GRM8: variants seen among roughly 807,000 people sequenced by gnomAD.
The protein encoded by GRM8 is glutamate metabotropic receptor 8.
Under a neutral mutation model 87.2 loss-of-function variants are expected in GRM8, and 47 were observed. The observed-to-expected ratio is 0.54, with a 90% CI of 0.43 to 0.69. GRM8 has a LOEUF of 0.69. Among genes scored for constraint, GRM8 ranks in the 30% least tolerant of loss-of-function variants. The pLI is 0.00. For missense variants in GRM8, 1,019 were observed against 1,139.2 expected, an observed-to-expected ratio of 0.89 and a Z score of 1.52; for synonymous variants, 396 against 404.5, an observed-to-expected ratio of 0.98 and a Z score of 0.25.
chr7:126,815,486 C>T (rs1406849188), intron 6 of GRM8, among the ~76,000 whole-genome samples: 3 of 152,114 alleles, frequency 2.0e-5, no homozygotes, highest in Non-Finnish European at 4.4e-5. Context: ...ACACATCAGT[C>T]TTAACTCATC....
intron 7 of GRM8, among the ~76,000 whole-genome samples, chr7:126,680,515 A>T (rs1005250323): frequency 6.6e-6 from 1 of 152,230 alleles, no homozygotes; most frequent in Non-Finnish European, 1.5e-5. Flanking sequence ...TTTCTACATT[A>T]AATGTGTGAA....
At chr7:126,840,965 G>C (rs1358953897) in intron 6 of GRM8, among the ~76,000 whole-genome samples, 1 of 152,246 alleles carries the variant, frequency 6.6e-6, no homozygotes, top group East Asian at 1.9e-4. Flanking sequence ...AAGATTAAAG[G>C]CTCTGACAGA....
intron 9 of GRM8, among the ~76,000 whole-genome samples, chr7:126,459,459 T>C (rs1381716990): frequency 1.3e-5 from 2 of 151,490 alleles, no homozygotes; most frequent in Non-Finnish European, 3.0e-5. Flanking sequence ...CCTCTGACAC[T>C]TACATCAGCA....
intron 7 of GRM8, among the ~76,000 whole-genome samples, chr7:126,744,428 A>T (rs1815399172): frequency 6.6e-6 from 1 of 152,062 alleles, no homozygotes; most frequent in Non-Finnish European, 1.5e-5. Context: ...TCCTCAAATC[A>T]AGTCCAGGTT....
intron 9 of GRM8, among the ~76,000 whole-genome samples, chr7:126,520,401 C>T (rs1400394614): frequency 6.6e-6 from 1 of 152,018 alleles, no homozygotes; most frequent in Non-Finnish European, 1.5e-5. Flanking sequence ...TTTTGGATTG[C>T]TTTCTGATCC....
chr7:126,630,768 A>G (rs1266713103), intron 7 of GRM8, among the ~76,000 whole-genome samples: 1 of 152,224 alleles, frequency 6.6e-6, no homozygotes, highest in Non-Finnish European at 1.5e-5. Flanking sequence ...ACACAGAACT[A>G]AAGATAAAAA....
At chr7:127,204,443 C>T (rs1443932002) in intron 2 of GRM8, among the ~76,000 whole-genome samples, 1 of 152,116 alleles carries the variant, frequency 6.6e-6, no homozygotes, top group Non-Finnish European at 1.5e-5. Flanking sequence ...ACTTCCTAAC[C>T]CTCCAATGTT....
chr7:126,806,010 C>T (rs563994874), intron 6 of GRM8, among the ~76,000 whole-genome samples: 23 of 152,238 alleles, frequency 1.5e-4, no homozygotes, highest in African/African-American at 5.5e-4. Flanking sequence ...TTGATTCAGA[C>T]AAGAGTTTTG....
chr7:126,745,948 A>G (rs1312460092), intron 7 of GRM8, among the ~76,000 whole-genome samples: 1 of 151,844 alleles, frequency 6.6e-6, no homozygotes, highest in Non-Finnish European at 1.5e-5. Flanking sequence ...CAATAGATAT[A>G]TAACAAATTT....
At chr7:127,131,721 G>T (rs1053726859) in intron 2 of GRM8, among the ~76,000 whole-genome samples, 3 of 151,754 alleles carry the variant, frequency 2.0e-5, no homozygotes, top group African/African-American at 2.4e-5. Context: ...TTTCAACCAG[G>T]CTTTAAAGAC....
At chr7:127,202,026 T>C (rs1481460822) in intron 2 of GRM8, among the ~76,000 whole-genome samples, 4 of 152,166 alleles carry the variant, frequency 2.6e-5, no homozygotes, top group East Asian at 3.8e-4. Context: ...GAAGCCAAAA[T>C]TCACTGCTGA....
intron 7 of GRM8, among the ~76,000 whole-genome samples, chr7:126,754,051 G>GC (rs1554479794): frequency 6.6e-6 from 1 of 151,572 alleles, no homozygotes. Context: ...GCATTTAACA[G>GC]TTTTTTTTCC....
intron 2 of GRM8, among the ~76,000 whole-genome samples, chr7:127,174,139 A>G (rs1451510797): frequency 6.6e-6 from 1 of 152,134 alleles, no homozygotes; most frequent in Non-Finnish European, 1.5e-5. Context: ...AATTGACTAC[A>G]ATGCTAATAG....
chr7:126,963,176 T>C (rs1361844943), intron 3 of GRM8, among the ~76,000 whole-genome samples: 2 of 152,230 alleles, frequency 1.3e-5, no homozygotes, highest in African/African-American at 4.8e-5. Context: ...AGGCTCTCTA[T>C]ATTATCAATT....
chr7:127,134,158 C>A (rs1304159843), intron 2 of GRM8, among the ~76,000 whole-genome samples: 1 of 152,156 alleles, frequency 6.6e-6, no homozygotes, highest in African/African-American at 2.4e-5. Flanking sequence ...GCATTAGCTG[C>A]TATGATTATA....
At chr7:126,912,083 G>C (rs1803365701) in intron 3 of GRM8, among the ~76,000 whole-genome samples, 1 of 152,106 alleles carries the variant, frequency 6.6e-6, no homozygotes. Context: ...TGTAGTCCCA[G>C]CTACTTGGGA....
intron 7 of GRM8, among the ~76,000 whole-genome samples, chr7:126,678,546 T>G (rs1458775325): frequency 6.6e-6 from 1 of 152,188 alleles, no homozygotes; most frequent in East Asian, 1.9e-4. Context: ...AGAAATATCT[T>G]TATCCAAACT....
intron 7 of GRM8, among the ~76,000 whole-genome samples, chr7:126,668,194 C>T (rs532043727): frequency 5.1e-4 from 78 of 152,188 alleles, no homozygotes; most frequent in Admixed American, 1.9e-3. Context: ...TGTTTACCCC[C>T]CTTTCTTCCT....
intron 6 of GRM8, among the ~76,000 whole-genome samples, chr7:126,774,057 C>T (rs1223702141): frequency 6.6e-6 from 1 of 152,036 alleles, no homozygotes; most frequent in African/African-American, 2.4e-5. Context: ...TAACTGGTGC[C>T]ACATGTGAAT....
Sources: gnomAD v4.1 joint callset for allele counts (sites outside exome capture counted in the v4.1 genomes callset) on GRCh38, gnomAD v4.1.1 for gene constraint, MANE v1.5 for transcripts, NCBI Gene and HGNC (gene_info 2026-07-23, HGNC 2026-07-21) for gene names.